Variants in YBEY observed in about 807,000 individuals in gnomAD.
YBEY encodes the protein endoribonuclease YbeY.
In YBEY, 15 loss-of-function variants were observed where a neutral mutation model predicts 13.5. The observed-to-expected ratio is 1.11, with a 90% CI of 0.75 to 1.72. YBEY has a LOEUF of 1.72. Among genes scored for constraint, YBEY ranks in the 40% most tolerant of loss-of-function variants. The pLI is 0.00. For synonymous variants in YBEY, 101 were observed against 83.1 expected (o/e 1.21, Z -1.17); for missense variants, 244 against 208.4 (o/e 1.17, Z -1.05).
rs1190684175 is a variant in YBEY, at chr21:46,286,909, C to G, written c.-5C>G. 1 of 1,613,656 alleles carries G rather than the reference C, an allele frequency of 6.2e-7. No individual in the cohort carries two copies. Among genetic ancestry groups the G allele is most frequent in the Non-Finnish European group, 8.5e-7 (1 of 1,179,870 alleles). ...ATTTTTAAAGGGCTGGTTATTCTTC[C>G]TGAAATGAGTTTGGTGATTAGAAAT... On this transcript the variant is annotated 5_prime_UTR_variant, in exon 2 of 5. Transcript: ENST00000397701.
chr21:46,300,593 T>C, downstream of YBEY: 1 of 1,133,718 alleles, frequency 8.8e-7, no homozygotes, highest in South Asian at 1.8e-5. Flanking sequence ...GAGAAGTGAG[T>C]GTTACTGCCA....
At chr21:46,299,052 T>C (rs1346414455), downstream of YBEY, among the ~76,000 whole-genome samples, 51 of 150,462 alleles carry the variant, frequency 3.4e-4, no homozygotes, top group Admixed American at 6.6e-4. Context: ...TCTTTCTTTT[T>C]TTTTTTTTTT....
the YBEY span, among the ~76,000 whole-genome samples, chr21:46,303,738 T>TATAC: frequency 2.5e-4 from 6 of 23,856 alleles, no homozygotes; most frequent in South Asian, 6.8e-3. Context: ...TATATATATA[T>TATAC]ATATATATTT....
downstream of YBEY, chr21:46,297,879 C>T: frequency 2.3e-6 from 2 of 881,382 alleles, no homozygotes; most frequent in Non-Finnish European, 2.9e-6. Flanking sequence ...GCCTCTCGCC[C>T]TTCAAGGGGG....
intron 4 of YBEY, 56 bp downstream of exon 4, chr21:46,296,286 C>G: frequency 1.2e-6 from 2 of 1,602,500 alleles, no homozygotes; most frequent in Non-Finnish European, 1.7e-6. Context: ...GGAGGCTCCC[C>G]CAGGCCCCTG....
At chr21:46,297,516 C>T in intron 4 of YBEY, 23 bp from the exon 5 acceptor site, 2 of 1,359,458 alleles carry the variant, frequency 1.5e-6, no homozygotes, top group Non-Finnish European at 9.6e-7. Context: ...CTGGGGAGGG[C>T]CAGCGCGCTT....
At chr21:46,287,177 C>A in intron 2 of YBEY, 54 bp downstream of exon 2, 4 of 1,501,708 alleles carry the variant, frequency 2.7e-6, no homozygotes, top group Non-Finnish European at 2.7e-6. Context: ...GAGTAAATTT[C>A]CTGTCGTTTT....
chr21:46,291,417 C>T lies in YBEY; in HGVS notation c.294C>T (p.Ile98=). 6.2e-7 allele frequency: 1 copy of T among 1,614,116 alleles called. No individual in the cohort carries two copies. The highest frequency in any genetic ancestry group is 8.5e-7 in the Non-Finnish European group (1 of 1,180,002). The change falls in exon 3 of 5, where the codon ATC becomes ATT. Residue 98 remains isoleucine (I), a synonymous_variant. Coordinates refer to ENST00000397701, the MANE Select transcript of YBEY (RefSeq NM_001314025.2). ...ACATTTTCCTAGGAGTGGAGTATAT[C>T]TTCCATCAGTGTAAAGAAAATGAAG... is the stretch of plus-strand genomic sequence containing the variant. ...LGDIFLGVEY[I]FHQCKENEDY...
chr21:46,289,039 A>G (rs56955294), intron 2 of YBEY, among the ~76,000 whole-genome samples: 62,218 of 151,994 alleles, frequency 0.41, 13,300 homozygotes, highest in Admixed American at 0.48. Context: ...AAAAGTTACC[A>G]TTTTCTGTAA....
At chr21:46,298,861 A>G (rs2082038050), downstream of YBEY, among the ~76,000 whole-genome samples, 1 of 151,994 alleles carries the variant, frequency 6.6e-6, no homozygotes. Flanking sequence ...AGCAGCTGGG[A>G]CTACAAGTGC....
At chr21:46,309,333 G>A in the YBEY span, among the ~76,000 whole-genome samples, 2 of 150,864 alleles carry the variant, frequency 1.3e-5, no homozygotes, top group Admixed American at 1.3e-4. Flanking sequence ...ATGGTGGCAG[G>A]CGCCTGTAAT....
chr21:46,296,191 G>C lies in YBEY; in HGVS notation c.369G>C (p.Leu123Phe). 2 of 1,613,884 alleles carry C rather than the reference G, an allele frequency of 1.2e-6. No individual in the cohort carries two copies. The highest frequency in any genetic ancestry group is 1.7e-6 in the Non-Finnish European group (2 of 1,180,022). The change falls in exon 4 of 5, where the codon TTG (leucine) becomes TTC (phenylalanine). Residue 123 changes from leucine to phenylalanine, a missense_variant. Transcript: ENST00000397701. The stretch of plus-strand genomic sequence containing the variant: ...CGGCCACCCACGGACTCTGTCACTT[G>C]CTGGGATTCACACACGGCACGGAGG... ...TVTATHGLCHLLGFTHGTEAE... is the reference protein window; with the variant it reads ...TVTATHGLCHFLGFTHGTEAE...
Position 46,287,135 on chromosome 21 carries a change from A to AAAAAAGTT in YBEY, c.210+12_210+13insAAAAAGTT. 6.3e-7 allele frequency: 1 copy of AAAAAAGTT among 1,583,096 alleles called. No homozygotes were observed. The highest frequency in any genetic ancestry group is 1.1e-5 in the South Asian group (1 of 87,376). ...TTCCATTTCATGAGGTAAAAAAAAA[A>AAAAAAGTT]TGTTCCTCTTCTTGTCTAGCCCATC... On this transcript the variant is annotated intron_variant, in intron 2 of 4. Transcript: ENST00000397701.
chr21:46,301,190 A>G, downstream of YBEY: 1 of 605,300 alleles, frequency 1.7e-6, no homozygotes, highest in Non-Finnish European at 2.1e-6. Context: ...GGTCCAGGCT[A>G]TAGTGCAGTG....
chr21:46,297,438 TC>T, intron 4 of YBEY, 100 bp from the exon 5 acceptor site: 2 of 1,175,982 alleles, frequency 1.7e-6, no homozygotes, highest in Non-Finnish European at 2.2e-6. Flanking sequence ...GCGGCCGGCT[TC>T]CCCCAAACCC....
At chr21:46,302,266 T>C (rs1601622741), downstream of YBEY, 1 of 1,423,280 alleles carries the variant, frequency 7.0e-7, no homozygotes, top group Non-Finnish European at 9.2e-7. Context: ...GATGGCAGGG[T>C]CTAAGCATCC....
chr21:46,287,198 GTTTTGTT>G lies in YBEY; in HGVS notation c.210+80_210+86del, dbSNP rs998017266. 4.5e-5 allele frequency: 64 copies of G among 1,424,724 alleles called. No homozygotes were observed. In the African/African-American group the frequency reaches 8.8e-4, roughly 20 times the overall value. 88.3% of individuals were successfully genotyped at this position (1,424,724 alleles called of 1,614,324 possible). A position where few individuals can be genotyped will look rare whatever the true frequency, so the allele number is the denominator to read the frequency against. On this transcript the variant is annotated intron_variant, in intron 2 of 4. Transcript: ENST00000397701. ...ATTTCCTGTCGTTTTGTTTTGTTTT[GTTTTGTT>G]TTTTAATTGAGACGGAGTCTTGCTC... is the stretch of plus-strand genomic sequence containing the variant.
the YBEY span, among the ~76,000 whole-genome samples, chr21:46,305,323 T>TA: frequency 2.7e-5 from 4 of 149,174 alleles, no homozygotes; most frequent in East Asian, 7.8e-4. Context: ...AATCACAAAT[T>TA]AATCTTTTTT....
At chr21:46,298,630 T>A (rs368675033), downstream of YBEY, among the ~76,000 whole-genome samples, 48 of 151,802 alleles carry the variant, frequency 3.2e-4, no homozygotes, top group Non-Finnish European at 5.6e-4. Flanking sequence ...GGGGTTTCAC[T>A]GTGTTAGCCA....
Sources: gnomAD v4.1 joint callset for allele counts (sites outside exome capture counted in the v4.1 genomes callset) on GRCh38, gnomAD v4.1.1 for gene constraint, MANE v1.5 for transcripts, NCBI Gene and HGNC (gene_info 2026-07-23, HGNC 2026-07-21) for gene names.